Variants in OLFML1 observed in about 807,000 individuals in gnomAD.
The protein encoded by OLFML1 is olfactomedin like 1.
Under a neutral mutation model 37.3 loss-of-function variants are expected in OLFML1, and 33 were observed. The observed-to-expected ratio is 0.88, with a 90% CI of 0.67 to 1.18. OLFML1 has a LOEUF of 1.18. OLFML1 is among the 50% of genes most tolerant of loss of function. The probability of loss-of-function intolerance (pLI) is 0.00; values close to 1 mark genes in which losing one functional copy is unlikely to be tolerated. For synonymous variants in OLFML1, 186 were observed against 181.3 expected (o/e 1.03, Z -0.21); for missense variants, 545 against 483.7 (o/e 1.13, Z -1.19).
intron 2 of OLFML1, among the ~76,000 whole-genome samples, chr11:7,505,634 T>G (rs1848775965): frequency 6.6e-6 from 1 of 152,124 alleles, no homozygotes; most frequent in Non-Finnish European, 1.5e-5. Flanking sequence ...AGTTTGAGAC[T>G]AGCCTGGGCA....
At chr11:7,506,994 A>G (rs1848793444) in intron 2 of OLFML1, among the ~76,000 whole-genome samples, 1 of 152,142 alleles carries the variant, frequency 6.6e-6, no homozygotes, top group Non-Finnish European at 1.5e-5. Context: ...CTGGAGGAGG[A>G]TACTAATATG....
At chr11:7,500,479 T>C (rs548929396) in intron 2 of OLFML1, among the ~76,000 whole-genome samples, 156 of 152,302 alleles carry the variant, frequency 1.0e-3, no homozygotes, top group African/African-American at 3.5e-3. Flanking sequence ...GGAGGGGTCC[T>C]GACTGGCTGC....
chr11:7,500,736 A>T (rs569684016), intron 2 of OLFML1, among the ~76,000 whole-genome samples: 12,227 of 148,026 alleles, frequency 0.083, 597 homozygotes, highest in Admixed American at 0.15. Context: ...TTTTTTTTTT[A>T]AAAAGAATTA....
chr11:7,502,331 A>G lies in OLFML1; in HGVS notation c.419-7067A>G, dbSNP rs1848733055. Among the ~76,000 whole-genome samples, 3 of 152,244 alleles carry G rather than the reference A, an allele frequency of 2.0e-5. No individual in the cohort carries two copies. The South Asian group carries it at 6.2e-4, about 31-fold the overall frequency. ...CACATTATGTAGATTCCTTAGGCCA[A>G]GGGTTTAGGATTTTATTTTAAATAT... On this transcript the variant is annotated intron_variant, in intron 2 of 2. Transcript: ENST00000329293.
Position 7,510,114 on chromosome 11 carries a change from C to T in OLFML1, c.1135C>T (p.Gln379Ter). ...GATCCATTACAACCCCAGAGATAAG[C>T]AGCTCTATGCCTGGAATGAAGGAAA... ...SMIHYNPRDKQLYAWNEGNQI... is the reference protein window; with the variant it reads ...SMIHYNPRDK The change falls in exon 3 of 3, where the codon CAG becomes TAG. Residue 379 changes from glutamine to a stop codon, truncating the protein, a stop_gained. Transcript: ENST00000329293. LOFTEE classifies it high-confidence loss of function. The T allele has an allele frequency of 6.2e-7, 1 of 1,614,148 alleles. No individual in the cohort carries two copies. The highest frequency in any genetic ancestry group is 8.5e-7 in the Non-Finnish European group (1 of 1,180,036).
intron 1 of OLFML1, among the ~76,000 whole-genome samples, chr11:7,486,842 C>G (rs1181813492): frequency 6.6e-6 from 1 of 152,148 alleles, no homozygotes. Context: ...ATATGTTCTT[C>G]TAGTTATAGT....
Position 7,509,686 on chromosome 11 carries a change from T to C in OLFML1, c.707T>C (p.Ile236Thr). ...FFHNQATSNEIIKYNLQKRTV... is the reference protein window; with the variant it reads ...FFHNQATSNETIKYNLQKRTV... ...CATAACCAAGCAACTTCTAATGAGA[T>C]AATCAAATATAACCTGCAGAAGAGG... Residue 236 changes from isoleucine (I) to threonine (T), a missense_variant, in exon 3 of 3, where the codon ATA (isoleucine) becomes ACA (threonine). Physicochemically the swap from Ile to Thr is moderately conservative, Grantham distance 89. Coordinates refer to ENST00000329293, the MANE Select transcript of OLFML1 (RefSeq NM_198474.4). 1 of 1,614,202 alleles carries C rather than the reference T, an allele frequency of 6.2e-7. No individual in the cohort carries two copies.
Position 7,509,440 on chromosome 11 carries a change from T to G in OLFML1, c.461T>G (p.Val154Gly). 6.2e-7 allele frequency: 1 copy of G among 1,613,502 alleles called. No homozygotes were observed. Among genetic ancestry groups the G allele is most frequent in the South Asian group, 1.1e-5 (1 of 90,908 alleles). ...ATGGGCATAAAGTCTTTGAAAATAG[T>G]GAAGAAGATGATGGACACACATGGC... ...MLMGIKSLKIVKKMMDTHGSW... is the reference protein window; with the variant it reads ...MLMGIKSLKIGKKMMDTHGSW... The change falls in exon 3 of 3, where the codon GTG (valine) becomes GGG (glycine). Residue 154 changes from valine (V) to glycine (G), a missense_variant. Transcript: ENST00000329293.
chr11:7,507,552 CTT>C (rs35968823), intron 2 of OLFML1, among the ~76,000 whole-genome samples: 178 of 144,870 alleles, frequency 1.2e-3, no homozygotes, highest in Admixed American at 1.3e-3. Flanking sequence ...TTATGTGTAA[CTT>C]TTTTTTTTTT....
Position 7,510,199 on chromosome 11 carries a change from C to G in OLFML1, c.*11C>G. The stretch of plus-strand genomic sequence containing the variant: ...CTGCCTCTGAAGTAATGCATTACAG[C>G]TGTGAGAAAGAGCACTGTGGCTTTG... On this transcript the variant is annotated 3_prime_UTR_variant, in exon 3 of 3. Transcript: ENST00000329293. The G allele has an allele frequency of 1.3e-6, 2 of 1,590,974 alleles. No individual in the cohort carries two copies. The highest frequency in any genetic ancestry group is 1.7e-6 in the Non-Finnish European group (2 of 1,173,712).
At chr11:7,500,877 T>C (rs1848714997) in intron 2 of OLFML1, among the ~76,000 whole-genome samples, 5 of 151,864 alleles carry the variant, frequency 3.3e-5, no homozygotes, top group African/African-American at 1.2e-4. Flanking sequence ...TCTAAAATAA[T>C]AAAATAAAAA....
rs1848848207 is a variant in OLFML1 at position 7,510,561 on chromosome 11, T to A, written c.*373T>A. 2.2e-5 allele frequency: 4 copies of A among 179,774 alleles called. No homozygotes were observed. In the South Asian group the frequency reaches 6.4e-4, roughly 29 times the overall value. The allele number at this position is 179,774 out of a possible 1,614,324, so 11.1% of individuals were successfully genotyped here. On this transcript the variant is annotated 3_prime_UTR_variant, in exon 3 of 3. Transcript: ENST00000329293. Reference sequence around the variant, plus strand: ...TATGCCAGCCCCTAATATTCACCACTGGCTTTTCTCTCCCCTGGCCTTTGC... The same window carrying A: ...TATGCCAGCCCCTAATATTCACCACAGGCTTTTCTCTCCCCTGGCCTTTGC...
chr11:7,508,599 T>C (rs940619498), intron 2 of OLFML1, among the ~76,000 whole-genome samples: 4 of 152,240 alleles, frequency 2.6e-5, no homozygotes, highest in Non-Finnish European at 4.4e-5. Context: ...GCCCAATTTA[T>C]GCTCATAACC....
chr11:7,491,957 A>AG (rs1848603316), intron 2 of OLFML1, among the ~76,000 whole-genome samples: 6 of 152,184 alleles, frequency 3.9e-5, no homozygotes, highest in Admixed American at 2.6e-4. Context: ...CCTATTGATA[A>AG]CTTCAAAATC....
At position 7,509,572 on chromosome 11, in the gene OLFML1, A is replaced by G; in HGVS notation, c.593A>G (p.Asp198Gly). 1.2e-6 allele frequency: 2 copies of G among 1,614,268 alleles called. No individual in the cohort carries two copies. The highest frequency in any genetic ancestry group is 1.7e-6 in the Non-Finnish European group (2 of 1,180,046). The change falls in exon 3 of 3, where the codon GAT becomes GGT. Residue 198 changes from aspartate (D) to glycine (G), a missense_variant. Asp to Gly is a moderately conservative substitution (Grantham distance 94). Coordinates refer to ENST00000329293, the MANE Select transcript of OLFML1 (RefSeq NM_198474.4). Reference protein sequence around the residue: ...EFANIRAFMEDNTKPAPRKQI... With the variant: ...EFANIRAFMEGNTKPAPRKQI... ...GCAAACATACGGGCATTCATGGAGG[A>G]TAACACCAAGCCAGCTCCCCGGAAG...
At chr11:7,486,097 T>C in intron 1 of OLFML1, 93 bp downstream of exon 1, 1 of 1,265,602 alleles carries the variant, frequency 7.9e-7, no homozygotes, top group Non-Finnish European at 1.1e-6. Context: ...GTTGTATTTT[T>C]CCCAGATAGC....
intron 2 of OLFML1, among the ~76,000 whole-genome samples, chr11:7,489,262 A>C (rs1175927365): frequency 6.6e-6 from 1 of 152,220 alleles, no homozygotes; most frequent in Admixed American, 6.5e-5. Flanking sequence ...CATGGTCACT[A>C]TAAGGAAAAG....
chr11:7,507,107 C>T, intron 2 of OLFML1, among the ~76,000 whole-genome samples: 1 of 152,122 alleles, frequency 6.6e-6, no homozygotes, highest in East Asian at 1.9e-4. Flanking sequence ...GAGGAGTTGA[C>T]AGCACGAGAC....
intron 1 of OLFML1, among the ~76,000 whole-genome samples, chr11:7,487,461 C>A (rs1455344155): frequency 1.3e-5 from 2 of 152,216 alleles, no homozygotes; most frequent in East Asian, 3.8e-4. Context: ...TAAACCATGC[C>A]AAATGAGCTT....
Sources: allele counts gnomAD v4.1 joint callset (sites outside exome capture counted in the v4.1 genomes callset), GRCh38; gene constraint gnomAD v4.1.1; transcripts MANE v1.5; gene names NCBI Gene and HGNC (gene_info 2026-07-23, HGNC 2026-07-21).